Variants in MYO18B observed in about 807,000 individuals in gnomAD.
MYO18B encodes the protein unconventional myosin-XVIIIb.
MYO18B carries 204 observed loss-of-function variants against 273.0 expected under a neutral mutation model. The ratio of observed to expected loss-of-function variants is 0.75; its 90% CI spans 0.67 to 0.84. The LOEUF (loss-of-function observed/expected upper bound fraction) is 0.84, where lower values mean the gene tolerates loss of function less well. MYO18B is among the 40% of genes least tolerant of loss of function. The probability of loss-of-function intolerance (pLI) is 0.00; values close to 1 mark genes in which losing one functional copy is unlikely to be tolerated. For missense variants in MYO18B, 3,212 were observed against 3,287.6 expected (o/e 0.98, Z 0.56); for synonymous variants, 1,330 against 1,305.7 (o/e 1.02, Z -0.40).
intron 39 of MYO18B, among the ~76,000 whole-genome samples, chr22:25,977,329 G>A (rs887995638): frequency 8.6e-5 from 13 of 151,860 alleles, no homozygotes; most frequent in Non-Finnish European, 1.5e-4. Flanking sequence ...ATTTGTATTT[G>A]TATTTGTATT....
At chr22:25,744,161 A>G (rs565932848) in intron 1 of MYO18B, among the ~76,000 whole-genome samples, 14 of 152,332 alleles carry the variant, frequency 9.2e-5, no homozygotes, top group African/African-American at 2.9e-4. Flanking sequence ...CGTGCACAGC[A>G]CTTTATTAGG....
intron 14 of MYO18B, among the ~76,000 whole-genome samples, chr22:25,827,608 G>A (rs770252528): frequency 3.9e-5 from 6 of 152,224 alleles, no homozygotes; most frequent in Non-Finnish European, 7.3e-5. Context: ...AGGCTGGCGC[G>A]TAGCAACAGA....
chr22:25,749,334 G>A (rs1385801442), intron 1 of MYO18B, among the ~76,000 whole-genome samples: 8 of 152,206 alleles, frequency 5.3e-5, no homozygotes, highest in Non-Finnish European at 8.8e-5. Flanking sequence ...TACTAGCCTT[G>A]GGGCTGTATG....
At chr22:25,833,268 G>A (rs1328204900) in intron 16 of MYO18B, among the ~76,000 whole-genome samples, 1 of 152,124 alleles carries the variant, frequency 6.6e-6, no homozygotes, top group Non-Finnish European at 1.5e-5. Context: ...GAATAGACTC[G>A]TGCCTGGGAG....
intron 39 of MYO18B, among the ~76,000 whole-genome samples, chr22:25,960,897 C>T (rs563512130): frequency 1.3e-5 from 2 of 152,168 alleles, no homozygotes; most frequent in South Asian, 4.2e-4. Context: ...GCTTTATAAT[C>T]CTAGCACTTT....
the MYO18B span, among the ~76,000 whole-genome samples, chr22:26,038,252 AT>A: frequency 2.0e-5 from 3 of 152,162 alleles, no homozygotes; most frequent in Admixed American, 1.3e-4. Flanking sequence ...GGTCTCAAAG[AT>A]TTAGGTCTAC....
intron 24 of MYO18B, 147 bp from the exon 25 acceptor site, chr22:25,877,812 T>G: frequency 1.2e-5 from 7 of 607,252 alleles, no homozygotes; most frequent in Non-Finnish European, 2.0e-5. Flanking sequence ...CAGTGCACCA[T>G]TATTTGTTAT....
chr22:26,045,800 C>T, the MYO18B span, among the ~76,000 whole-genome samples: 1 of 152,216 alleles, frequency 6.6e-6, no homozygotes, highest in African/African-American at 2.4e-5. Context: ...AAGGTCCCAG[C>T]GAAGACCAGC....
At chr22:25,906,433 C>T (rs181614979) in intron 31 of MYO18B, among the ~76,000 whole-genome samples, 43 of 152,268 alleles carry the variant, frequency 2.8e-4, no homozygotes, top group Admixed American at 2.2e-3. Flanking sequence ...GGGCCTCTGA[C>T]GTACACTATC....
chr22:25,770,548 G>T (rs1032026213), intron 5 of MYO18B, among the ~76,000 whole-genome samples: 1 of 152,144 alleles, frequency 6.6e-6, no homozygotes, highest in Admixed American at 6.5e-5. Context: ...GATTAGTGAT[G>T]TCTGCCATGG....
chr22:25,937,899 G>A (rs940706776), intron 34 of MYO18B, among the ~76,000 whole-genome samples: 5 of 152,066 alleles, frequency 3.3e-5, no homozygotes, highest in East Asian at 1.9e-4. Flanking sequence ...TTCTTAATAT[G>A]TTTGCATTTA....
chr22:25,915,563 C>T (rs369310982), intron 33 of MYO18B, among the ~76,000 whole-genome samples: 3 of 152,170 alleles, frequency 2.0e-5, no homozygotes, highest in East Asian at 3.9e-4. Context: ...TAATGTGGCA[C>T]GTGACTGTAA....
intron 34 of MYO18B, among the ~76,000 whole-genome samples, chr22:25,934,895 C>T (rs568493015): frequency 4.0e-5 from 6 of 151,750 alleles, no homozygotes; most frequent in Non-Finnish European, 4.4e-5. Context: ...TTTCCTTTCA[C>T]TACTCGTGGT....
intron 41 of MYO18B, among the ~76,000 whole-genome samples, chr22:26,003,675 C>T (rs923872725): frequency 2.0e-5 from 3 of 152,126 alleles, no homozygotes; most frequent in South Asian, 2.1e-4. Context: ...TTATGACCTC[C>T]GTACCTATGT....
In MYO18B at chr22:25,886,810, G is replaced by T. The variant is rs143024656; in HGVS notation, c.4315-3946G>T. Among the ~76,000 whole-genome samples the T allele has an allele frequency of 1.1e-4, 16 of 152,180 alleles. 1 individual carries two copies. In the South Asian group the frequency reaches 3.1e-3, roughly 30 times the overall value. On this transcript the variant is annotated intron_variant, in intron 25 of 43. Coordinates refer to ENST00000335473, the MANE Select transcript of MYO18B (RefSeq NM_032608.7). ...GCTGGGAATCAGGCAGCCCAAGCTGGGCTACCTCTGCTACTTACCAGCTAT... is the reference window on the plus strand; with the variant it reads ...GCTGGGAATCAGGCAGCCCAAGCTGTGCTACCTCTGCTACTTACCAGCTAT...
At chr22:25,909,178 G>T (rs1363005931) in intron 32 of MYO18B, among the ~76,000 whole-genome samples, 1 of 152,172 alleles carries the variant, frequency 6.6e-6, no homozygotes, top group Non-Finnish European at 1.5e-5. Context: ...GAGCTGTATT[G>T]ATGGATTTGA....
At chr22:25,795,712 A>G (rs1360965716) in intron 11 of MYO18B, among the ~76,000 whole-genome samples, 2 of 152,186 alleles carry the variant, frequency 1.3e-5, no homozygotes, top group East Asian at 3.8e-4. Context: ...GCCCAGAAAT[A>G]TGATGGATCA....
At chr22:25,820,406 G>C (rs1465598418) in intron 12 of MYO18B, among the ~76,000 whole-genome samples, 1 of 152,130 alleles carries the variant, frequency 6.6e-6, no homozygotes, top group Non-Finnish European at 1.5e-5. Flanking sequence ...TCTTCAAGCT[G>C]TCTACTTGAA....
At chr22:25,900,708 G>C (rs1418570764) in intron 29 of MYO18B, 2 of 152,522 alleles carry the variant, frequency 1.3e-5, no homozygotes, top group African/African-American at 4.8e-5. Context: ...TGGCTGGTCA[G>C]TGTGGGCTGT....
Sources: allele counts gnomAD v4.1 joint callset (sites outside exome capture counted in the v4.1 genomes callset), GRCh38; gene constraint gnomAD v4.1.1; transcripts MANE v1.5; gene names NCBI Gene and HGNC (gene_info 2026-07-23, HGNC 2026-07-21).